Variants in THOC7 observed in about 807,000 individuals in gnomAD.
THOC7 encodes NIF3L1-binding protein 1.
A neutral mutation model predicts 33.1 loss-of-function variants in THOC7; 22 were observed. The ratio of observed to expected loss-of-function variants is 0.66; its 90% CI spans 0.47 to 0.95. The LOEUF (loss-of-function observed/expected upper bound fraction) is 0.95. Ranked by LOEUF, THOC7 falls within the 40% of genes least tolerant of loss-of-function variation. The pLI is 0.00. For missense variants in THOC7, 184 were observed against 245.3 expected, an observed-to-expected ratio of 0.75 and a Z score of 1.67; for synonymous variants, 77 against 76.8, an observed-to-expected ratio of 1.00 and a Z score of -0.01.
At chr3:63,838,659 T>C (rs1405832405) in intron 2 of THOC7, among the ~76,000 whole-genome samples, 160 bp from the exon 3 acceptor site, 2 of 152,230 alleles carry the variant, frequency 1.3e-5, no homozygotes, top group African/African-American at 2.4e-5. Context: ...AGTTTTCTTT[T>C]TATCAAATGT....
chr3:63,842,003 G>C (rs1701770532), intron 1 of THOC7, among the ~76,000 whole-genome samples: 1 of 152,126 alleles, frequency 6.6e-6, no homozygotes, highest in Non-Finnish European at 1.5e-5. Flanking sequence ...ATACATTAAA[G>C]TAATAGGAAA....
intron 2 of THOC7, 147 bp downstream of exon 2, chr3:63,839,509 C>A: frequency 2.7e-6 from 2 of 727,880 alleles, no homozygotes; most frequent in Non-Finnish European, 2.4e-6. Context: ...GAAGAAAAGG[C>A]CAAGAAAATC....
chr3:63,844,512 A>G (rs1397485063), intron 1 of THOC7, among the ~76,000 whole-genome samples: 1 of 152,236 alleles, frequency 6.6e-6, no homozygotes, highest in Non-Finnish European at 1.5e-5. Flanking sequence ...TACATAAAAA[A>G]GAAGGAAGTT....
chr3:63,836,065 T>C (rs1440998116), intron 5 of THOC7, among the ~76,000 whole-genome samples: 2 of 152,082 alleles, frequency 1.3e-5, no homozygotes, highest in Admixed American at 1.3e-4. Context: ...ATGAAGACCA[T>C]ATTCTATTTA....
At chr3:63,862,034 G>T (rs935799802) in intron 1 of THOC7, among the ~76,000 whole-genome samples, 1 of 151,968 alleles carries the variant, frequency 6.6e-6, no homozygotes, top group Non-Finnish European at 1.5e-5. Flanking sequence ...CAAGAGGTCC[G>T]CCTGCCTTGG....
At chr3:63,847,047 T>C (rs1701913406) in intron 1 of THOC7, among the ~76,000 whole-genome samples, 1 of 152,096 alleles carries the variant, frequency 6.6e-6, no homozygotes, top group African/African-American at 2.4e-5. Context: ...CTAGAACGCC[T>C]CCTAGTTTGT....
intron 1 of THOC7, among the ~76,000 whole-genome samples, chr3:63,853,685 G>T (rs1702058535): frequency 6.6e-6 from 1 of 152,184 alleles, no homozygotes; most frequent in Non-Finnish European, 1.5e-5. Context: ...AAGGCGGGAG[G>T]ATCACGAGGT....
chr3:63,835,298 T>A, intron 6 of THOC7, 26 bp downstream of exon 6: 1 of 1,613,294 alleles, frequency 6.2e-7, no homozygotes, highest in Non-Finnish European at 8.5e-7. Flanking sequence ...AGACAGATCA[T>A]GAAGGCTAAA....
intron 1 of THOC7, among the ~76,000 whole-genome samples, chr3:63,859,432 G>T (rs552617927): frequency 1.3e-5 from 2 of 152,194 alleles, no homozygotes; most frequent in African/African-American, 2.4e-5. Context: ...ATCCAGCCCA[G>T]TGGCTTTCCT....
chr3:63,850,175 G>A (rs1252997089), intron 1 of THOC7, among the ~76,000 whole-genome samples: 1 of 152,054 alleles, frequency 6.6e-6, no homozygotes. Flanking sequence ...GTAATTCCTA[G>A]AAGTAATTTG....
intron 1 of THOC7, among the ~76,000 whole-genome samples, chr3:63,852,878 C>T (rs974456871): frequency 7.9e-5 from 12 of 152,088 alleles, no homozygotes; most frequent in Non-Finnish European, 1.0e-4. Context: ...TGGCTGGGCA[C>T]GATGGCTCAT....
intron 1 of THOC7, among the ~76,000 whole-genome samples, chr3:63,846,417 A>AT (rs962831144): frequency 5.7e-4 from 86 of 151,814 alleles, no homozygotes; most frequent in African/African-American, 1.7e-3. Flanking sequence ...AAAAATTTTT[A>AT]TTTTTTTTAG....
chr3:63,851,251 G>A (rs1254905122), intron 1 of THOC7, among the ~76,000 whole-genome samples: 1 of 152,154 alleles, frequency 6.6e-6, no homozygotes, highest in Non-Finnish European at 1.5e-5. Context: ...TTATAATAAT[G>A]GGGAGGACAC....
intron 1 of THOC7, among the ~76,000 whole-genome samples, chr3:63,844,608 G>A (rs1701846684): frequency 1.3e-5 from 2 of 152,188 alleles, no homozygotes; most frequent in Admixed American, 1.3e-4. Context: ...GTGCCCTGAT[G>A]AACAGGCTTA....
At chr3:63,861,456 T>G (rs1468431220) in intron 1 of THOC7, 1 of 152,286 alleles carries the variant, frequency 6.6e-6, no homozygotes, top group African/African-American at 2.4e-5. Context: ...AATTTCCCTA[T>G]TTCCCTCCCA....
intron 1 of THOC7, among the ~76,000 whole-genome samples, chr3:63,844,424 C>A (rs1223899386): frequency 1.3e-5 from 2 of 152,120 alleles, no homozygotes; most frequent in African/African-American, 4.8e-5. Context: ...GTTAACCATT[C>A]CACAATGTAT....
chr3:63,855,060 TAGTG>T (rs1702089673), intron 1 of THOC7, among the ~76,000 whole-genome samples: 1 of 152,004 alleles, frequency 6.6e-6, no homozygotes, highest in Non-Finnish European at 1.5e-5. Flanking sequence ...ACGTATTAAT[TAGTG>T]AGTAATATGA....
chr3:63,863,821 G>A, upstream of THOC7: 1 of 1,212,784 alleles, frequency 8.2e-7, no homozygotes, highest in South Asian at 3.9e-5. Context: ...CGGCGGCGGC[G>A]GCGCAAGCTG....
chr3:63,862,459 G>C (rs1702243854), intron 1 of THOC7, among the ~76,000 whole-genome samples: 1 of 152,148 alleles, frequency 6.6e-6, no homozygotes, highest in Non-Finnish European at 1.5e-5. Flanking sequence ...CAAAATTTTG[G>C]AGAGGGAAAA....
Sources: allele counts gnomAD v4.1 joint callset (sites outside exome capture counted in the v4.1 genomes callset), GRCh38; gene constraint gnomAD v4.1.1; transcripts MANE v1.5; gene names NCBI Gene and HGNC (gene_info 2026-07-23, HGNC 2026-07-21).